The following UNC5C variants were observed in gnomAD, a reference collection of about 807,000 sequenced individuals.
The protein encoded by UNC5C is unc-5 netrin receptor C, also known as netrin receptor UNC5C.
In UNC5C, 47 loss-of-function variants were observed where a neutral mutation model predicts 99.8. That is an observed-to-expected ratio of 0.47 (90% confidence interval 0.37 to 0.60). UNC5C has a LOEUF of 0.60. Ranked by LOEUF, UNC5C falls within the 20% of genes least tolerant of loss-of-function variation. The pLI, the probability that UNC5C is intolerant of heterozygous loss-of-function variation, is 0.00. For missense variants in UNC5C, 1,062 were observed against 1,165.9 expected (o/e 0.91, Z 1.30); for synonymous variants, 487 against 452.2 (o/e 1.08, Z -0.98).
intron 3 of UNC5C, among the ~76,000 whole-genome samples, chr4:95,296,085 CA>C (rs1466926149): frequency 8.5e-5 from 13 of 152,170 alleles, no homozygotes; most frequent in Non-Finnish European, 1.6e-4. Context: ...GACTTTCTCT[CA>C]AAAAATAACA....
At position 95,202,959 on chromosome 4, in the gene UNC5C, C is replaced by T; in HGVS notation, c.1908G>A (p.Val636=). 6.2e-7 allele frequency: 1 copy of T among 1,614,038 alleles called. No homozygotes were observed. Residue 636 remains valine (V), a synonymous_variant, in exon 12 of 16, where the codon GTG becomes GTA. Transcript: ENST00000453304. ...NQAAQGQWED[V]VVVGEENFTT... ...TGAAGTTTTCCTCCCCGACCACCAC[C>T]ACATCCTGGGGGACAAGAGGGAAGG...
At chr4:95,280,400 C>T (rs141878585) in intron 3 of UNC5C, among the ~76,000 whole-genome samples, 11 of 152,174 alleles carry the variant, frequency 7.2e-5, no homozygotes, top group African/African-American at 2.6e-4. Context: ...TAGAAATGAA[C>T]ATTTGGGGCC....
At position 95,336,788 on chromosome 4, in the gene UNC5C, T is replaced by C. The variant is rs1743366430; in HGVS notation, c.125-1157A>G. 4.6e-5 allele frequency among the ~76,000 whole-genome samples: 7 copies of C among 152,110 alleles called. No homozygotes were observed. The South Asian group carries it at 1.0e-3, about 22-fold the overall frequency. On this transcript the variant is annotated intron_variant, in intron 1 of 15. Transcript: ENST00000453304. ...GCCCACAGTAGTAAATTTTTGACACTGAAATGTAAATGTTGTTTCCTATAC... is the reference window on the plus strand; with the variant it reads ...GCCCACAGTAGTAAATTTTTGACACCGAAATGTAAATGTTGTTTCCTATAC...
intron 2 of UNC5C, among the ~76,000 whole-genome samples, chr4:95,303,918 G>T (rs1741966389): frequency 6.6e-6 from 1 of 152,060 alleles, no homozygotes. Flanking sequence ...ACAGGAGAGG[G>T]TATATTTTCT....
At chr4:95,380,585 T>C (rs960209913) in intron 1 of UNC5C, among the ~76,000 whole-genome samples, 2 of 152,002 alleles carry the variant, frequency 1.3e-5, no homozygotes, top group African/African-American at 4.8e-5. Context: ...CTACAAACTA[T>C]TTTTAACATA....
At chr4:95,529,207 G>A (rs779530781) in intron 1 of UNC5C, among the ~76,000 whole-genome samples, 5 of 149,922 alleles carry the variant, frequency 3.3e-5, no homozygotes, top group Non-Finnish European at 7.4e-5. Flanking sequence ...CATCTCAGCT[G>A]TACTGATTTT....
intron 7 of UNC5C, among the ~76,000 whole-genome samples, chr4:95,238,303 A>T (rs1739201026): frequency 6.6e-6 from 1 of 151,966 alleles, no homozygotes; most frequent in South Asian, 2.1e-4. Flanking sequence ...CCAATTTCCT[A>T]CCCTTAAAAT....
At chr4:95,207,283 G>A (rs1737916300) in intron 10 of UNC5C, among the ~76,000 whole-genome samples, 1 of 152,106 alleles carries the variant, frequency 6.6e-6, no homozygotes, top group South Asian at 2.1e-4. Flanking sequence ...TAGTCCAAAT[G>A]ACTTTCAGGA....
chr4:95,438,210 A>G (rs1208813764), intron 1 of UNC5C, among the ~76,000 whole-genome samples: 4 of 152,046 alleles, frequency 2.6e-5, no homozygotes, highest in Admixed American at 6.6e-5. Context: ...TCTCAGAAAG[A>G]TGGTGAGGAC....
chr4:95,307,298 A>G (rs111382504), intron 2 of UNC5C, among the ~76,000 whole-genome samples: 5,537 of 152,238 alleles, frequency 0.036, 124 homozygotes, highest in South Asian at 0.058. Context: ...TAATTTAACT[A>G]AAATTATTCT....
At chr4:95,260,701 C>A (rs1740187281) in intron 4 of UNC5C, among the ~76,000 whole-genome samples, 1 of 152,086 alleles carries the variant, frequency 6.6e-6, no homozygotes, top group Non-Finnish European at 1.5e-5. Flanking sequence ...ACCTTGTACT[C>A]CCTAATGCAA....
chr4:95,432,828 A>G (rs1486524103), intron 1 of UNC5C, among the ~76,000 whole-genome samples: 1 of 152,114 alleles, frequency 6.6e-6, no homozygotes, highest in African/African-American at 2.4e-5. Flanking sequence ...ATTTATCAGC[A>G]AAATGCTCAT....
chr4:95,487,953 A>C (rs1362021762), intron 1 of UNC5C, among the ~76,000 whole-genome samples: 1 of 151,774 alleles, frequency 6.6e-6, no homozygotes, highest in Admixed American at 6.6e-5. Context: ...TGTTTACAAG[A>C]AGGTTGAAGA....
chr4:95,220,137 A>G lies in UNC5C; in HGVS notation c.1148T>C (p.Ile383Thr). The G allele has an allele frequency of 6.2e-7, 1 of 1,614,016 alleles. No homozygotes were observed. The change falls in exon 8 of 16, where the codon ATT becomes ACT. Residue 383 changes from isoleucine to threonine, a missense_variant. Ile to Thr is a moderately conservative substitution (Grantham distance 89, BLOSUM62 -1). Around this residue, in one of 3 missense-constraint regions of UNC5C, gnomAD observed 810 missense variants for 854.5 expected, o/e 0.95. Transcript: ENST00000453304. ...CAGGCAAACGATCACTGCTATCACA[A>G]TCCCAACATAGAGAGCAACATCATC... ...DSDDVALYVG[I>T]VIAVIVCLAI... is the part of the protein sequence containing the mutation.
intron 2 of UNC5C, among the ~76,000 whole-genome samples, chr4:95,332,946 T>C (rs527660252): frequency 1.1e-4 from 17 of 152,320 alleles, no homozygotes; most frequent in African/African-American, 4.1e-4. Context: ...AAGACATTTA[T>C]GTAGCCAAAA....
chr4:95,543,729 C>T (rs750693075), intron 1 of UNC5C, among the ~76,000 whole-genome samples: 3 of 152,074 alleles, frequency 2.0e-5, no homozygotes, highest in Non-Finnish European at 2.9e-5. Flanking sequence ...TTTCAGTATC[C>T]CTTGAGAAAA....
At chr4:95,264,203 A>C (rs547676658) in intron 4 of UNC5C, among the ~76,000 whole-genome samples, 56 of 122,186 alleles carry the variant, frequency 4.6e-4, no homozygotes, top group Middle Eastern at 5.2e-3. Context: ...AGACCAACAA[A>C]AATAGGGTCA....
At chr4:95,366,191 C>A (rs1744563290) in intron 1 of UNC5C, among the ~76,000 whole-genome samples, 1 of 152,050 alleles carries the variant, frequency 6.6e-6, no homozygotes, top group Non-Finnish European at 1.5e-5. Context: ...GGGCTGAGTG[C>A]ACTGGTGTGC....
intron 1 of UNC5C, among the ~76,000 whole-genome samples, chr4:95,421,086 C>T (rs6816601): frequency 6.6e-6 from 1 of 152,090 alleles, no homozygotes; most frequent in Non-Finnish European, 1.5e-5. Context: ...TCCCCTTCTC[C>T]ATTATTAGAC....
Sources: gnomAD v4.1 joint callset for allele counts (sites outside exome capture counted in the v4.1 genomes callset) on GRCh38, gnomAD v4.1.1 for gene constraint, gnomAD v4.1.1 regional missense constraint, MANE v1.5 for transcripts, NCBI Gene and HGNC (gene_info 2026-07-23, HGNC 2026-07-21) for gene names.